LAMB1: variants seen among roughly 807,000 people sequenced by gnomAD.
LAMB1 encodes the protein laminin subunit beta-1.
A neutral mutation model predicts 222.3 loss-of-function variants in LAMB1; 121 were observed. The ratio of observed to expected loss-of-function variants is 0.54; its 90% CI spans 0.47 to 0.63. LAMB1 has a LOEUF of 0.63. LAMB1 is among the 30% of genes least tolerant of loss of function. LAMB1 has a pLI of 0.00. For missense variants in LAMB1, 2,172 were observed against 2,240.8 expected (o/e 0.97, Z 0.62); for synonymous variants, 794 against 807.2 (o/e 0.98, Z 0.28).
intron 22 of LAMB1, 77 bp from the exon 23 acceptor site, chr7:107,952,300 G>T: frequency 9.4e-7 from 1 of 1,067,026 alleles, no homozygotes; most frequent in Non-Finnish European, 1.4e-6. Context: ...ACATCTAAAT[G>T]CTAAGATGTT....
intron 12 of LAMB1, among the ~76,000 whole-genome samples, chr7:107,974,616 C>A (rs1174838018): frequency 6.6e-6 from 1 of 152,206 alleles, no homozygotes; most frequent in African/African-American, 2.4e-5. Flanking sequence ...CCCATTTCTA[C>A]AAGCTACTGA....
intron 23 of LAMB1, 21 bp downstream of exon 23, chr7:107,951,988 T>C (rs988427972): frequency 6.3e-7 from 1 of 1,591,180 alleles, no homozygotes; most frequent in Non-Finnish European, 8.6e-7. Context: ...AAAGGCATCA[T>C]CCCCAGCAGC....
At chr7:107,982,451 G>A (rs1307842037) in intron 7 of LAMB1, among the ~76,000 whole-genome samples, 2 of 152,168 alleles carry the variant, frequency 1.3e-5, no homozygotes, top group Non-Finnish European at 2.9e-5. Flanking sequence ...GGGTAGAAAG[G>A]AAAAGTCCAT....
chr7:107,962,237 T>C (rs548475263), intron 15 of LAMB1, among the ~76,000 whole-genome samples: 41 of 152,274 alleles, frequency 2.7e-4, no homozygotes, highest in East Asian at 2.5e-3. Context: ...GGATCATGCA[T>C]CTCTCTGCTG....
chr7:107,974,332 A>G (rs1019502504), intron 12 of LAMB1, among the ~76,000 whole-genome samples: 1 of 151,318 alleles, frequency 6.6e-6, no homozygotes, highest in African/African-American at 2.4e-5. Context: ...CTACTTAATC[A>G]AGATACTATT....
intron 19 of LAMB1, 65 bp downstream of exon 19, chr7:107,959,626 G>C (rs779399251): frequency 6.2e-7 from 1 of 1,613,864 alleles, no homozygotes; most frequent in Admixed American, 1.7e-5. Context: ...CTGCAGCAAT[G>C]GAACCCTGCC....
chr7:107,927,200 C>T (rs1266169299), intron 31 of LAMB1, among the ~76,000 whole-genome samples: 1 of 152,054 alleles, frequency 6.6e-6, no homozygotes, highest in Non-Finnish European at 1.5e-5. Flanking sequence ...AACCTAAGGA[C>T]CCTTTAATTA....
rs1171262952 is a variant in LAMB1, at chr7:107,960,653, T to C, written c.2110-4A>G. The C allele has an allele frequency of 6.2e-7, 1 of 1,613,844 alleles. No homozygotes were observed. Among genetic ancestry groups the C allele is most frequent in the Admixed American group, 1.7e-5 (1 of 60,024 alleles). On this transcript the variant is annotated splice_region_variant and splice_polypyrimidine_tract_variant and intron_variant, in intron 17 of 33. Coordinates refer to ENST00000222399, the MANE Select transcript of LAMB1 (RefSeq NM_002291.3). ...TACAGTATGGCATGAGAACAAGCTG[T>C]GAAGAAATGAGAACGGCCAAACATC...
chr7:107,932,664 A>G, intron 27 of LAMB1: 2 of 430,770 alleles, frequency 4.6e-6, no homozygotes, highest in Non-Finnish European at 8.5e-6. Flanking sequence ...CATCTGCTAT[A>G]TCAAGTTGAA....
intron 4 of LAMB1, among the ~76,000 whole-genome samples, chr7:107,996,864 G>A (rs2034290717): frequency 6.6e-6 from 1 of 152,236 alleles, no homozygotes; most frequent in Admixed American, 6.5e-5. Context: ...CTAGAAGAAT[G>A]TGGGAGATCA....
At chr7:107,952,740 A>G (rs531543568) in intron 22 of LAMB1, among the ~76,000 whole-genome samples, 1 of 152,332 alleles carries the variant, frequency 6.6e-6, no homozygotes, top group African/African-American at 2.4e-5. Context: ...AGCTGCAGCA[A>G]GAGGAAATGC....
chr7:107,962,697 G>C (rs1010293192), intron 15 of LAMB1, among the ~76,000 whole-genome samples: 72 of 128,690 alleles, frequency 5.6e-4, no homozygotes, highest in African/African-American at 2.1e-3. Context: ...CTGGACAACA[G>C]AGCGAGACTC....
intron 14 of LAMB1, among the ~76,000 whole-genome samples, chr7:107,964,039 G>A (rs527972637): frequency 5.3e-5 from 8 of 152,346 alleles, no homozygotes; most frequent in South Asian, 4.1e-4. Flanking sequence ...GGAGGTTGTG[G>A]TGAGCTGAGA....
At chr7:107,932,952 T>C (rs2032748334) in intron 27 of LAMB1, among the ~76,000 whole-genome samples, 1 of 152,206 alleles carries the variant, frequency 6.6e-6, no homozygotes, top group African/African-American at 2.4e-5. Context: ...ATGCTACAGT[T>C]GTAGCTGAAG....
intron 7 of LAMB1, among the ~76,000 whole-genome samples, chr7:107,982,265 A>G (rs2033987055): frequency 6.6e-6 from 1 of 152,192 alleles, no homozygotes; most frequent in Admixed American, 6.5e-5. Flanking sequence ...CTGCACTCTC[A>G]AGCTCTGTAG....
intron 31 of LAMB1, among the ~76,000 whole-genome samples, chr7:107,928,341 C>G (rs1188862841): frequency 3.3e-5 from 5 of 152,128 alleles, no homozygotes. Flanking sequence ...CCCATAGTTT[C>G]CAAAACTACT....
chr7:107,945,144 A>T (rs2033088901), intron 24 of LAMB1, among the ~76,000 whole-genome samples: 2 of 152,316 alleles, frequency 1.3e-5, no homozygotes, highest in Admixed American at 6.5e-5. Flanking sequence ...TTCATCTGTA[A>T]ACACACTCTC....
chr7:107,932,270 A>C lies in LAMB1; in HGVS notation c.4296T>G (p.Gly1432=). The C allele has an allele frequency of 6.2e-7, 1 of 1,614,172 alleles. No homozygotes were observed. The highest frequency in any genetic ancestry group is 8.5e-7 in the Non-Finnish European group (1 of 1,180,024). ...AGGCGTTGTGTGCAACAGTAACCAG[A>C]CCACCACAGCCAGGCCCCCCACACT... ...ERKCGGPGCG[G]LVTVAHNAWQ... The change falls in exon 28 of 34, where the codon GGT becomes GGG. Residue 1432 remains glycine, a synonymous_variant. Coordinates refer to ENST00000222399, the MANE Select transcript of LAMB1 (RefSeq NM_002291.3).
In LAMB1 at chr7:107,931,357, G is replaced by A; in HGVS notation, c.4536C>T (p.Thr1512=). ...NLIKQIRNFL[T]QDSADLDSIE... is the part of the protein sequence containing the mutation. ...AAGTAAAATGAAAAAATTTCTTACG[G>A]GTCAAAAAGTTTCTGATTTGCTTGA... The change falls in exon 29 of 34, where the codon ACC becomes ACT. Residue 1512 remains threonine, a splice_region_variant and synonymous_variant. Transcript: ENST00000222399. 3.1e-6 allele frequency: 5 copies of A among 1,611,554 alleles called. No homozygotes were observed. The highest frequency in any genetic ancestry group is 4.2e-6 in the Non-Finnish European group (5 of 1,179,046).
Sources: gnomAD v4.1 joint callset for allele counts (sites outside exome capture counted in the v4.1 genomes callset) on GRCh38, gnomAD v4.1.1 for gene constraint, MANE v1.5 for transcripts, NCBI Gene and HGNC (gene_info 2026-07-23, HGNC 2026-07-21) for gene names.